The following TNPO1 variants were observed in gnomAD, a reference collection of about 807,000 sequenced individuals.
TNPO1 encodes transportin 1.
Under a neutral mutation model 119.5 loss-of-function variants are expected in TNPO1, and 8 were observed. That is an observed-to-expected ratio of 0.07 (90% CI 0.04 to 0.12). The LOEUF (loss-of-function observed/expected upper bound fraction) is 0.12. TNPO1 is among the 10% of genes least tolerant of loss of function. TNPO1 has a pLI of 1.00. For synonymous variants in TNPO1, 362 were observed against 363.0 expected, an observed-to-expected ratio of 1.00 and a Z score of 0.03; for missense variants, 576 against 1,089.8, an observed-to-expected ratio of 0.53 and a Z score of 6.64.
At position 72,896,445 on chromosome 5, in the gene TNPO1, A is replaced by AT. The variant is rs757257736; in HGVS notation, c.2144-5dup. On this transcript the variant is annotated splice_polypyrimidine_tract_variant and intron_variant, in intron 18 of 24. Coordinates refer to ENST00000337273, the MANE Select transcript of TNPO1 (RefSeq NM_002270.4). The stretch of plus-strand genomic sequence containing the variant: ...TTGAAAAGTTTACTACATAGTTTAA[A>AT]TTTTTTTTCTAGCTGATTTCATGCC... 8 of 1,602,078 alleles carry AT rather than the reference A, an allele frequency of 5.0e-6. No individual in the cohort carries two copies. The highest frequency in any genetic ancestry group is 2.2e-5 in the East Asian group (1 of 44,526).
chr5:72,869,455 G>A (rs1430308897), intron 6 of TNPO1, among the ~76,000 whole-genome samples: 3 of 152,156 alleles, frequency 2.0e-5, no homozygotes, highest in Non-Finnish European at 4.4e-5. Flanking sequence ...GCTGAGGCAC[G>A]AGAATCACTT....
chr5:72,857,148 T>G (rs1049015867), intron 4 of TNPO1, among the ~76,000 whole-genome samples: 2 of 152,042 alleles, frequency 1.3e-5, no homozygotes, highest in Non-Finnish European at 2.9e-5. Context: ...AAACCCTGTC[T>G]CTACTAAAAA....
intron 5 of TNPO1, among the ~76,000 whole-genome samples, chr5:72,864,619 C>CT (rs1229977736): frequency 6.6e-6 from 1 of 151,194 alleles, no homozygotes; most frequent in Non-Finnish European, 1.5e-5. Flanking sequence ...CTTTTTTTTC[C>CT]TTTTTTTGAG....
In TNPO1 at chr5:72,870,201, C is replaced by A. The variant is rs565598214; in HGVS notation, c.597-2438C>A. ...TTGAGACGGAGTTTCACTCTTGTCT[C>A]CCACACTAGAGTGCAATGGCATTAT... On this transcript the variant is annotated intron_variant, in intron 6 of 24. Coordinates refer to ENST00000337273, the MANE Select transcript of TNPO1 (RefSeq NM_002270.4). Among the ~76,000 whole-genome samples, 290 of 121,104 alleles carry A rather than the reference C, an allele frequency of 2.4e-3. 1 individual carries two copies. The Middle Eastern group carries it at 0.048, about 20-fold the overall frequency. 79.4% of individuals were successfully genotyped at this position (121,104 alleles called of 152,430 possible).
At chr5:72,880,468 A>G (rs752393086) in intron 9 of TNPO1, among the ~76,000 whole-genome samples, 14 of 152,128 alleles carry the variant, frequency 9.2e-5, no homozygotes, top group Non-Finnish European at 1.3e-4. Flanking sequence ...ATATTTAAGT[A>G]TTCAGTAAAC....
chr5:72,874,899 C>A (rs1747653997), intron 7 of TNPO1, among the ~76,000 whole-genome samples: 1 of 152,148 alleles, frequency 6.6e-6, no homozygotes, highest in Non-Finnish European at 1.5e-5. Context: ...CTCTCACATC[C>A]CCACTCTGAG....
chr5:72,880,512 T>A (rs576893907), intron 9 of TNPO1, among the ~76,000 whole-genome samples: 1 of 152,248 alleles, frequency 6.6e-6, no homozygotes, highest in Admixed American at 6.5e-5. Flanking sequence ...TATGTGATGT[T>A]GCATTAAAAA....
intron 8 of TNPO1, 66 bp downstream of exon 8, chr5:72,875,803 AC>A (rs1324331646): frequency 2.0e-6 from 3 of 1,527,054 alleles, no homozygotes; most frequent in Non-Finnish European, 2.7e-6. Context: ...GATAGAAAAT[AC>A]AACATACCGG....
chr5:72,900,558 A>G (rs1413332429), intron 21 of TNPO1, among the ~76,000 whole-genome samples: 1 of 152,176 alleles, frequency 6.6e-6, no homozygotes, highest in African/African-American at 2.4e-5. Flanking sequence ...AATAGTTTAT[A>G]TTGTGGCACT....
intron 1 of TNPO1, among the ~76,000 whole-genome samples, chr5:72,843,578 A>G (rs1464156776): frequency 1.3e-5 from 2 of 149,390 alleles, no homozygotes; most frequent in Non-Finnish European, 3.0e-5. Context: ...TGGGTGACAG[A>G]GCAAGATTCC....
At chr5:72,835,727 T>G (rs1561297012) in intron 1 of TNPO1, among the ~76,000 whole-genome samples, 1 of 152,202 alleles carries the variant, frequency 6.6e-6, no homozygotes, top group Non-Finnish European at 1.5e-5. Flanking sequence ...TTTATGTGCT[T>G]CTGTCAAAAT....
At chr5:72,843,837 G>C (rs155433) in intron 1 of TNPO1, among the ~76,000 whole-genome samples, 124,891 of 152,096 alleles carry the variant, frequency 0.82, 51,539 homozygotes, top group Non-Finnish European at 0.86. Flanking sequence ...ATGCATCTCT[G>C]TCTCCTGGTG....
In TNPO1 at chr5:72,882,296, C is replaced by T. The variant is rs541921836; in HGVS notation, c.921-171C>T. Among the ~76,000 whole-genome samples the T allele has an allele frequency of 2.0e-5, 3 of 152,288 alleles. No homozygotes were observed. In the East Asian group the frequency reaches 5.8e-4, roughly 29 times the overall value. On this transcript the variant is annotated intron_variant, in intron 9 of 24. Coordinates refer to ENST00000337273, the MANE Select transcript of TNPO1 (RefSeq NM_002270.4). Reference sequence around the variant, plus strand: ...TTTATATTTGACTGCTTCCTTTTCTCTATTAGCGTTTCTTCAGTTAATGAG... The same window carrying T: ...TTTATATTTGACTGCTTCCTTTTCTTTATTAGCGTTTCTTCAGTTAATGAG...
At chr5:72,850,138 A>T (rs1303934468) in intron 2 of TNPO1, among the ~76,000 whole-genome samples, 4 of 152,204 alleles carry the variant, frequency 2.6e-5, no homozygotes, top group Non-Finnish European at 5.9e-5. Flanking sequence ...TGTTTCTCCT[A>T]AGAAGATAAT....
chr5:72,899,239 G>A (rs1749649705), intron 20 of TNPO1, among the ~76,000 whole-genome samples: 1 of 152,124 alleles, frequency 6.6e-6, no homozygotes, highest in African/African-American at 2.4e-5. Flanking sequence ...GCAGTGGACT[G>A]TAAATTTCCT....
intron 2 of TNPO1, among the ~76,000 whole-genome samples, chr5:72,848,737 C>T (rs1467826543): frequency 6.8e-6 from 1 of 147,634 alleles, no homozygotes; most frequent in Admixed American, 6.7e-5. Flanking sequence ...CCGCCAAGGC[C>T]ACCGGCTTCC....
At chr5:72,861,482 G>T (rs1468356848) in intron 4 of TNPO1, among the ~76,000 whole-genome samples, 2 of 152,112 alleles carry the variant, frequency 1.3e-5, no homozygotes, top group Non-Finnish European at 1.5e-5. Flanking sequence ...GCTCACTGCA[G>T]CCTCGACCTC....
At chr5:72,893,065 A>C in intron 15 of TNPO1, 74 bp from the exon 16 acceptor site, 1 of 1,108,950 alleles carries the variant, frequency 9.0e-7, no homozygotes, top group Non-Finnish European at 1.3e-6. Context: ...GATCCTGTTG[A>C]GCGCAGTTTC....
At chr5:72,860,143 C>A (rs1283699110) in intron 4 of TNPO1, among the ~76,000 whole-genome samples, 1 of 151,968 alleles carries the variant, frequency 6.6e-6, no homozygotes, top group Non-Finnish European at 1.5e-5. Flanking sequence ...TTGAGAGCAA[C>A]CTTCTCAGAA....
Sources: gnomAD v4.1 joint callset for allele counts (sites outside exome capture counted in the v4.1 genomes callset) on GRCh38, gnomAD v4.1.1 for gene constraint, MANE v1.5 for transcripts, NCBI Gene and HGNC (gene_info 2026-07-23, HGNC 2026-07-21) for gene names.